The following MPDZ variants were observed in gnomAD, a reference collection of about 807,000 sequenced individuals.
The protein encoded by MPDZ is multiple PDZ domain protein.
A neutral mutation model predicts 239.1 loss-of-function variants in MPDZ; 234 were observed. That is an observed-to-expected ratio of 0.98 (90% CI 0.88 to 1.09). MPDZ has a LOEUF of 1.09. Ranked by LOEUF, MPDZ falls within the 50% of genes least tolerant of loss-of-function variation. MPDZ has a pLI of 0.00. For missense variants in MPDZ, 3,175 were observed against 2,510.0 expected, an observed-to-expected ratio of 1.26 and a Z score of -5.66; for synonymous variants, 1,048 against 881.3, an observed-to-expected ratio of 1.19 and a Z score of -3.35.
chr9:13,127,714 T>C (rs574229172), intron 32 of MPDZ, among the ~76,000 whole-genome samples: 11 of 152,304 alleles, frequency 7.2e-5, no homozygotes, highest in Non-Finnish European at 1.3e-4. Flanking sequence ...AGATTATTAA[T>C]GCCTGATGAG....
At chr9:13,139,069 G>A (rs951235888) in intron 28 of MPDZ, among the ~76,000 whole-genome samples, 1 of 152,184 alleles carries the variant, frequency 6.6e-6, no homozygotes, top group African/African-American at 2.4e-5. Flanking sequence ...AACAGACTGC[G>A]AAAACTACAA....
intron 10 of MPDZ, among the ~76,000 whole-genome samples, chr9:13,207,166 T>C (rs562380745): frequency 6.6e-6 from 1 of 152,302 alleles, no homozygotes; most frequent in African/African-American, 2.4e-5. Context: ...AAGTGTCCTG[T>C]CTATTTGTCT....
chr9:13,157,979 A>G, intron 24 of MPDZ, 39 bp downstream of exon 24: 5 of 1,532,882 alleles, frequency 3.3e-6, no homozygotes, highest in Non-Finnish European at 4.5e-6. Flanking sequence ...TAAACACTAT[A>G]TATCCATTGG....
intron 21 of MPDZ, among the ~76,000 whole-genome samples, chr9:13,175,542 A>C (rs374101078): frequency 6.6e-6 from 1 of 152,196 alleles, no homozygotes; most frequent in East Asian, 1.9e-4. Context: ...ACTCTGAATT[A>C]AGAGAATGAG....
chr9:13,152,969 C>T (rs1482577148), intron 24 of MPDZ, among the ~76,000 whole-genome samples: 2 of 151,982 alleles, frequency 1.3e-5, no homozygotes, highest in Admixed American at 6.6e-5. Context: ...GGAAAATCGA[C>T]GAAACAGAAC....
Position 13,106,539 on chromosome 9 carries a change from A to AT in MPDZ, c.*425dup, listed in dbSNP as rs561774063. ...AGGAGGTAGATTGCCAAATTGAGGC[A>AT]TTTTTTTTAAACTCCCCGAGATTTT... On this transcript the variant is annotated 3_prime_UTR_variant, in exon 47 of 47. Coordinates refer to ENST00000319217, the MANE Select transcript of MPDZ (RefSeq NM_001378778.1). 1.1e-4 allele frequency: 16 copies of AT among 152,288 alleles called. No individual in the cohort carries two copies. In the East Asian group the frequency reaches 1.6e-3, roughly 15 times the overall value. The allele number at this position is 152,288 out of a possible 1,614,324, so 9.4% of individuals were successfully genotyped here. A position where few individuals can be genotyped will look rare whatever the true frequency, so the allele number is the denominator to read the frequency against.
rs1472852872 is a variant in MPDZ at position 13,200,544 on chromosome 9, G to C, written c.1547-4314C>G. ...GAAGTCTGTCTTCTTTTTTGATGTA[G>C]GTATTTGTTGTTATAAACTTCCCTC... On this transcript the variant is annotated intron_variant, in intron 12 of 46. Coordinates refer to ENST00000319217, the MANE Select transcript of MPDZ (RefSeq NM_001378778.1). 2.6e-5 allele frequency among the ~76,000 whole-genome samples: 4 copies of C among 151,916 alleles called. 1 individual carries two copies. In the East Asian group the frequency reaches 5.8e-4, roughly 22 times the overall value.
chr9:13,242,216 T>A (rs996618596), intron 3 of MPDZ, among the ~76,000 whole-genome samples: 26 of 10,264 alleles, frequency 2.5e-3, no homozygotes, highest in Admixed American at 6.1e-3. Flanking sequence ...GTTAGGATGC[T>A]TTTTTTTTTT....
At chr9:13,265,310 C>T (rs549882782) in intron 1 of MPDZ, among the ~76,000 whole-genome samples, 5 of 152,326 alleles carry the variant, frequency 3.3e-5, no homozygotes, top group Admixed American at 2.6e-4. Context: ...GGGCTCTCAC[C>T]TGTCATCCCA....
At chr9:13,203,244 T>C (rs1489162718) in intron 12 of MPDZ, among the ~76,000 whole-genome samples, 2 of 152,156 alleles carry the variant, frequency 1.3e-5, no homozygotes, top group Non-Finnish European at 2.9e-5. Flanking sequence ...CAGGGAAGCT[T>C]TGAACTGATT....
Position 13,115,950 on chromosome 9 carries a change from CA to C in MPDZ, c.5380-617del, listed in dbSNP as rs71491603. Among the ~76,000 whole-genome samples the C allele has an allele frequency of 9.9e-3, 403 of 40,598 alleles. 2 individuals carry two copies. Among genetic ancestry groups the C allele is most frequent in the African/African-American group, 0.014 (142 of 10,218 alleles). 26.6% of individuals were successfully genotyped at this position (40,598 alleles called of 152,430 possible). A position where few individuals can be genotyped will look rare whatever the true frequency, so the allele number is the denominator to read the frequency against. On this transcript the variant is annotated intron_variant, in intron 39 of 46. Coordinates refer to ENST00000319217, the MANE Select transcript of MPDZ (RefSeq NM_001378778.1). ...CAGAGCGAGACTTGAGACTCCACCT[CA>C]AAAAAAAAAAAAAAAAAAAAAAGCG...
At chr9:13,136,060 T>G in intron 31 of MPDZ, 32 bp downstream of exon 31, 4 of 1,393,656 alleles carry the variant, frequency 2.9e-6, no homozygotes, top group Non-Finnish European at 4.0e-6. Context: ...CAATCAAGTC[T>G]TCCCAGAGAA....
intron 43 of MPDZ, among the ~76,000 whole-genome samples, chr9:13,111,666 A>G (rs977384979): frequency 6.6e-6 from 1 of 152,228 alleles, no homozygotes; most frequent in African/African-American, 2.4e-5. Context: ...TCAATTTAAC[A>G]GAGTTAAATC....
At chr9:13,160,167 C>T (rs924216812) in intron 23 of MPDZ, among the ~76,000 whole-genome samples, 5 of 152,098 alleles carry the variant, frequency 3.3e-5, no homozygotes, top group Non-Finnish European at 5.9e-5. Flanking sequence ...TTTTATATGG[C>T]ACATGCTTCG....
Position 13,147,543 on chromosome 9 carries a change from C to T in MPDZ, c.3741+5G>A, listed in dbSNP as rs753536423. The T allele has an allele frequency of 6.2e-7, 1 of 1,609,050 alleles. No homozygotes were observed. On this transcript the variant is annotated splice_donor_5th_base_variant and intron_variant, in intron 26 of 46. Transcript: ENST00000319217. Reference sequence around the variant, plus strand: ...ATGCCTACCTTGCCCTTTGTGTTCGCTTACCCTTGGTCTGTTTATAATGCT... The same window carrying T: ...ATGCCTACCTTGCCCTTTGTGTTCGTTTACCCTTGGTCTGTTTATAATGCT...
At chr9:13,213,459 G>A (rs527715821) in intron 10 of MPDZ, among the ~76,000 whole-genome samples, 11 of 151,774 alleles carry the variant, frequency 7.2e-5, no homozygotes, top group Admixed American at 2.0e-4. Flanking sequence ...AACAAAAATC[G>A]AACAAATAAC....
chr9:13,240,632 C>G (rs966944109), intron 3 of MPDZ, among the ~76,000 whole-genome samples: 14 of 133,260 alleles, frequency 1.1e-4, no homozygotes, highest in African/African-American at 3.8e-4. Flanking sequence ...GTTAGACAGA[C>G]CTCAAATTCT....
At chr9:13,124,097 G>A (rs553466457) in intron 35 of MPDZ, among the ~76,000 whole-genome samples, 1 of 152,312 alleles carries the variant, frequency 6.6e-6, no homozygotes, top group African/African-American at 2.4e-5. Context: ...AGTAGCGTAT[G>A]CTTTAGACAA....
chr9:13,113,249 T>C (rs1942803226), intron 41 of MPDZ, among the ~76,000 whole-genome samples, 195 bp from the exon 42 acceptor site: 1 of 152,180 alleles, frequency 6.6e-6, no homozygotes, highest in South Asian at 2.1e-4. Context: ...GAAAAACGTG[T>C]ATACCATCCC....
Sources: gnomAD v4.1 joint callset for allele counts (sites outside exome capture counted in the v4.1 genomes callset) on GRCh38, gnomAD v4.1.1 for gene constraint, MANE v1.5 for transcripts, NCBI Gene and HGNC (gene_info 2026-07-23, HGNC 2026-07-21) for gene names.